Variants in PALLD observed in about 807,000 individuals in gnomAD.
The protein encoded by PALLD is palladin, cytoskeletal associated protein.
PALLD carries 61 observed loss-of-function variants against 123.5 expected under a neutral mutation model. That is an observed-to-expected ratio of 0.49 (90% confidence interval 0.40 to 0.61). The LOEUF (loss-of-function observed/expected upper bound fraction) is 0.61. Among genes scored for constraint, PALLD ranks in the 20% least tolerant of loss-of-function variants. PALLD has a pLI of 0.00. For missense variants in PALLD, 1,273 were observed against 1,377.0 expected (o/e 0.92, Z 1.20); for synonymous variants, 465 against 496.4 (o/e 0.94, Z 0.84).
At chr4:168,725,202 A>C (rs186018912) in intron 10 of PALLD, among the ~76,000 whole-genome samples, 6 of 152,358 alleles carry the variant, frequency 3.9e-5, no homozygotes, top group Admixed American at 2.0e-4. Context: ...GGAAAAGAGT[A>C]GGTGTAGCCA....
intron 2 of PALLD, among the ~76,000 whole-genome samples, chr4:168,661,815 ATTGT>A (rs929247540): frequency 9.8e-5 from 15 of 152,304 alleles, no homozygotes; most frequent in African/African-American, 3.1e-4. Context: ...CGTGGTTTTT[ATTGT>A]TTGTGTTCTT....
chr4:168,669,841 C>T (rs1242913685), intron 3 of PALLD, among the ~76,000 whole-genome samples: 3 of 151,052 alleles, frequency 2.0e-5, no homozygotes, highest in Admixed American at 6.6e-5. Context: ...TATACTTTGC[C>T]GTAGCCTACG....
intron 10 of PALLD, among the ~76,000 whole-genome samples, chr4:168,879,210 T>C (rs1005252973): frequency 6.6e-5 from 10 of 152,190 alleles, no homozygotes; most frequent in Non-Finnish European, 1.0e-4. Context: ...ACAGTGATGA[T>C]GTGGCAGCCC....
At chr4:168,642,814 G>A (rs1207642893) in intron 2 of PALLD, among the ~76,000 whole-genome samples, 1 of 152,248 alleles carries the variant, frequency 6.6e-6, no homozygotes, top group Non-Finnish European at 1.5e-5. Context: ...TCCCAACACA[G>A]TGGGAAGAAA....
At chr4:168,833,853 T>C (rs1744707968) in intron 10 of PALLD, among the ~76,000 whole-genome samples, 1 of 150,904 alleles carries the variant, frequency 6.6e-6, no homozygotes, top group African/African-American at 2.4e-5. Context: ...GATCAATGGA[T>C]ATAGGAGATA....
chr4:168,629,228 G>A (rs376197064), intron 2 of PALLD, among the ~76,000 whole-genome samples: 1 of 152,012 alleles, frequency 6.6e-6, no homozygotes, highest in Admixed American at 6.6e-5. Context: ...TGGCCAGGCT[G>A]GTCTCCAACT....
chr4:168,561,326 A>G (rs1231930627), intron 2 of PALLD, among the ~76,000 whole-genome samples: 1 of 152,128 alleles, frequency 6.6e-6, no homozygotes, highest in African/African-American at 2.4e-5. Context: ...CAGTGCCACA[A>G]TCACAGCTCA....
chr4:168,672,471 T>A (rs1394298457), intron 3 of PALLD, among the ~76,000 whole-genome samples: 1 of 152,066 alleles, frequency 6.6e-6, no homozygotes, highest in Non-Finnish European at 1.5e-5. Flanking sequence ...AACTTTTTTT[T>A]TTTTTGAGAC....
chr4:168,706,913 G>A (rs2150185881), intron 8 of PALLD, among the ~76,000 whole-genome samples: 2 of 152,102 alleles, frequency 1.3e-5, no homozygotes, highest in East Asian at 3.9e-4. Flanking sequence ...TTATTAAGGG[G>A]TATTAGGTAT....
intron 10 of PALLD, among the ~76,000 whole-genome samples, chr4:168,807,107 A>G (rs563745970): frequency 6.6e-6 from 1 of 152,316 alleles, no homozygotes; most frequent in African/African-American, 2.4e-5. Flanking sequence ...CTTCTTGGTA[A>G]GCAGGAGGAA....
intron 10 of PALLD, among the ~76,000 whole-genome samples, chr4:168,798,835 C>T (rs965763441): frequency 6.6e-5 from 10 of 152,202 alleles, no homozygotes; most frequent in Admixed American, 1.3e-4. Context: ...TTTGTTAAAG[C>T]GTGAGAGAAT....
intron 10 of PALLD, among the ~76,000 whole-genome samples, chr4:168,772,974 G>A (rs17542778): frequency 2.0e-5 from 3 of 152,124 alleles, no homozygotes; most frequent in Non-Finnish European, 2.9e-5. Flanking sequence ...CTGGCTGGAC[G>A]TTTAATGGGT....
intron 2 of PALLD, among the ~76,000 whole-genome samples, chr4:168,522,693 T>C (rs534459981): frequency 2.6e-5 from 4 of 152,354 alleles, no homozygotes; most frequent in African/African-American, 9.6e-5. Context: ...TATGAAACTT[T>C]ATATAGCTTA....
intron 2 of PALLD, among the ~76,000 whole-genome samples, chr4:168,659,034 A>T (rs1778878358): frequency 6.6e-6 from 1 of 152,246 alleles, no homozygotes; most frequent in Non-Finnish European, 1.5e-5. Context: ...ATAGTGTGTC[A>T]TGTGGTTAAT....
chr4:168,545,802 A>G (rs1245802058), intron 2 of PALLD, among the ~76,000 whole-genome samples: 1 of 152,192 alleles, frequency 6.6e-6, no homozygotes, highest in Non-Finnish European at 1.5e-5. Flanking sequence ...TCAGTTTATC[A>G]ATATATAATA....
intron 8 of PALLD, among the ~76,000 whole-genome samples, chr4:168,706,846 GA>G (rs1190671409): frequency 6.6e-6 from 1 of 152,072 alleles, no homozygotes; most frequent in Non-Finnish European, 1.5e-5. Context: ...ATAGATACAT[GA>G]ATTTTTTTCT....
At chr4:168,683,144 C>A in intron 5 of PALLD, 41 bp downstream of exon 5, 1 of 1,087,114 alleles carries the variant, frequency 9.2e-7, no homozygotes, top group Non-Finnish European at 1.4e-6. Flanking sequence ...GGGTCGAACT[C>A]ATCAGCAAAC....
At chr4:168,561,264 T>A (rs72697236) in intron 2 of PALLD, among the ~76,000 whole-genome samples, 17,827 of 151,968 alleles carry the variant, frequency 0.12, 1,426 homozygotes, top group Non-Finnish European at 0.17. Flanking sequence ...TTCTTTTTTT[T>A]TCTCTCTCTC....
intron 10 of PALLD, among the ~76,000 whole-genome samples, chr4:168,855,109 T>TTTTTTTA (rs1748397731): frequency 8.3e-6 from 1 of 121,102 alleles, no homozygotes; most frequent in African/African-American, 2.6e-5. Context: ...TTTTTTTTTT[T>TTTTTTTA]GAGACGGAGT....
Sources: allele counts gnomAD v4.1 joint callset (sites outside exome capture counted in the v4.1 genomes callset), GRCh38; gene constraint gnomAD v4.1.1; transcripts MANE v1.5; gene names NCBI Gene and HGNC (gene_info 2026-07-23, HGNC 2026-07-21).